The following CNTN5 variants were observed in gnomAD, a reference collection of about 807,000 sequenced individuals.
The protein encoded by CNTN5 is contactin-5.
Under a neutral mutation model 129.1 loss-of-function variants are expected in CNTN5, and 77 were observed. The observed-to-expected ratio is 0.60, with a 90% CI of 0.50 to 0.72. The LOEUF is 0.72. Ranked by LOEUF, CNTN5 falls within the 30% of genes least tolerant of loss-of-function variation. The pLI, the probability that CNTN5 is intolerant of heterozygous loss-of-function variation, is 0.00. For synonymous variants in CNTN5, 509 were observed against 465.6 expected (o/e 1.09, Z -1.20); for missense variants, 1,478 against 1,328.8 (o/e 1.11, Z -1.75).
intron 3 of CNTN5, among the ~76,000 whole-genome samples, chr11:99,774,272 TAAAA>T (rs138859607): frequency 7.1e-6 from 1 of 140,596 alleles, no homozygotes; most frequent in African/African-American, 2.6e-5. Context: ...ATCAGAGTGA[TAAAA>T]AAAAAAAACC....
intron 1 of CNTN5, among the ~76,000 whole-genome samples, chr11:99,287,174 G>C (rs1311849402): frequency 6.6e-6 from 1 of 152,112 alleles, no homozygotes; most frequent in Non-Finnish European, 1.5e-5. Context: ...TCAGAATACT[G>C]TAAGTAGAGC....
intron 8 of CNTN5, among the ~76,000 whole-genome samples, chr11:99,993,524 A>G (rs1939256212): frequency 6.6e-6 from 1 of 152,164 alleles, no homozygotes; most frequent in Non-Finnish European, 1.5e-5. Context: ...ACCTCAGACC[A>G]TCAGGCTTTA....
intron 21 of CNTN5, chr11:100,309,373 A>G (rs544174714): frequency 2.0e-6 from 2 of 976,778 alleles, no homozygotes; most frequent in Admixed American, 1.2e-4. Context: ...CCCAACAATT[A>G]TTTGATTAAC....
intron 9 of CNTN5, among the ~76,000 whole-genome samples, chr11:100,039,076 C>T (rs1942217063): frequency 6.6e-6 from 1 of 152,180 alleles, no homozygotes; most frequent in Non-Finnish European, 1.5e-5. Context: ...ATGGTCTTTA[C>T]AACTTGGCAT....
intron 6 of CNTN5, among the ~76,000 whole-genome samples, chr11:99,897,646 A>G (rs756952896): frequency 2.6e-5 from 4 of 152,192 alleles, no homozygotes; most frequent in Non-Finnish European, 4.4e-5. Flanking sequence ...GCTCAAAGGA[A>G]TTCTAAATGT....
chr11:99,892,738 T>G (rs1273408741), intron 6 of CNTN5, among the ~76,000 whole-genome samples: 1 of 152,176 alleles, frequency 6.6e-6, no homozygotes, highest in Non-Finnish European at 1.5e-5. Context: ...AGCCTTGTAG[T>G]ATAGTTTAAA....
chr11:99,967,318 A>G (rs1951121333), intron 8 of CNTN5, among the ~76,000 whole-genome samples: 1 of 152,164 alleles, frequency 6.6e-6, no homozygotes, highest in African/African-American at 2.4e-5. Flanking sequence ...GACATGGTGA[A>G]AAATTATTCT....
At position 100,350,683 on chromosome 11, in the gene CNTN5, A is replaced by G; in HGVS notation, c.3031-19A>G. On this transcript the variant is annotated intron_variant, in intron 23 of 24. Coordinates refer to ENST00000524871, the MANE Select transcript of CNTN5 (RefSeq NM_014361.4). The stretch of plus-strand genomic sequence containing the variant: ...GTAATCTTTCATATCAAATGTCTAA[A>G]CCTTGTTATTACTCTCAGGTTTTTT... The G allele has an allele frequency of 6.3e-7, 1 of 1,588,640 alleles. No homozygotes were observed. The highest frequency in any genetic ancestry group is 8.6e-7 in the Non-Finnish European group (1 of 1,164,560).
In CNTN5 at chr11:99,886,884, A is replaced by G. The variant is rs1948914169; in HGVS notation, c.578-29170A>G. Among the ~76,000 whole-genome samples, 9 of 152,294 alleles carry G rather than the reference A, an allele frequency of 5.9e-5. 2 individuals are homozygous for G. In the South Asian group the frequency reaches 1.9e-3, roughly 32 times the overall value. On this transcript the variant is annotated intron_variant, in intron 6 of 24. Transcript: ENST00000524871. ...ATATATTTTGTGATAAGCATATGTG[A>G]GGAAACTTCTTTTTTTTAAAAAAGG... is the stretch of plus-strand genomic sequence containing the variant.
rs191988219 is a variant in CNTN5, at chr11:100,029,378, C to G, written c.980+27242C>G. Among the ~76,000 whole-genome samples, 1,236 of 151,460 alleles carry G rather than the reference C, an allele frequency of 8.2e-3. 12 individuals carry two copies. The highest frequency in any genetic ancestry group is 0.025 in the African/African-American group (1,046 of 41,250). On this transcript the variant is annotated intron_variant, in intron 9 of 24. Transcript: ENST00000524871. ...CGGGTGGATCATGAGGTCAGGAGAT[C>G]GAGACCATCCTGGCTAAGACGGTGA...
At chr11:99,355,512 GT>G (rs1010799790) in intron 2 of CNTN5, among the ~76,000 whole-genome samples, 2 of 152,120 alleles carry the variant, frequency 1.3e-5, no homozygotes, top group Non-Finnish European at 2.9e-5. Flanking sequence ...ATTTGGAAAG[GT>G]TAGAGCTGCA....
chr11:99,921,145 C>G (rs1668861269), intron 7 of CNTN5, among the ~76,000 whole-genome samples: 1 of 152,162 alleles, frequency 6.6e-6, no homozygotes, highest in South Asian at 2.1e-4. Context: ...TTTAAGTCAT[C>G]CAGTCTGTGG....
intron 1 of CNTN5, among the ~76,000 whole-genome samples, chr11:99,315,625 G>T (rs966510042): frequency 6.7e-6 from 1 of 149,472 alleles, no homozygotes; most frequent in Admixed American, 6.7e-5. Context: ...CTTTAGCCAA[G>T]AATGCATAGG....
intron 3 of CNTN5, among the ~76,000 whole-genome samples, chr11:99,725,700 T>C (rs1235055599): frequency 6.6e-5 from 10 of 152,226 alleles, no homozygotes; most frequent in Admixed American, 5.9e-4. Flanking sequence ...TTAGAACAGA[T>C]TCCTGTAGTG....
At chr11:99,311,424 C>T (rs1278858826) in intron 1 of CNTN5, among the ~76,000 whole-genome samples, 1 of 151,954 alleles carries the variant, frequency 6.6e-6, no homozygotes, top group Non-Finnish European at 1.5e-5. Flanking sequence ...TTGTGTTGAC[C>T]TTATCAAATG....
At chr11:99,029,504 T>G (rs1863261875) in intron 1 of CNTN5, among the ~76,000 whole-genome samples, 1 of 152,036 alleles carries the variant, frequency 6.6e-6, no homozygotes. Flanking sequence ...TAAAAGACTG[T>G]AGAAACACTG....
chr11:99,338,932 A>ATATATATGTG (rs758671790), intron 2 of CNTN5, among the ~76,000 whole-genome samples: 109 of 142,958 alleles, frequency 7.6e-4, no homozygotes, highest in African/African-American at 2.6e-3. Context: ...ATATATATAT[A>ATATATATGTG]TATATATATA....
intron 3 of CNTN5, among the ~76,000 whole-genome samples, chr11:99,562,867 G>A (rs1485128476): frequency 6.6e-6 from 1 of 152,096 alleles, no homozygotes; most frequent in East Asian, 1.9e-4. Flanking sequence ...TTGAGCTTTA[G>A]ATGTCTACAA....
chr11:99,901,085 G>C (rs778203419), intron 6 of CNTN5, among the ~76,000 whole-genome samples: 40 of 151,952 alleles, frequency 2.6e-4, no homozygotes, highest in Non-Finnish European at 5.0e-4. Context: ...CTAACTAAAA[G>C]GATATTTTAA....
Sources: gnomAD v4.1 joint callset for allele counts (sites outside exome capture counted in the v4.1 genomes callset) on GRCh38, gnomAD v4.1.1 for gene constraint, MANE v1.5 for transcripts, NCBI Gene and HGNC (gene_info 2026-07-23, HGNC 2026-07-21) for gene names.